Variants in EBF2 observed in about 807,000 individuals in gnomAD.
EBF2 encodes transcription factor COE2.
In EBF2, 21 loss-of-function variants were observed where a neutral mutation model predicts 72.8. That is an observed-to-expected ratio of 0.29 (90% CI 0.20 to 0.42). EBF2 has a LOEUF of 0.42. Among genes scored for constraint, EBF2 ranks in the 10% least tolerant of loss-of-function variants. EBF2 has a pLI of 1.00. For missense variants in EBF2, 637 were observed against 731.2 expected, an observed-to-expected ratio of 0.87 and a Z score of 1.49; for synonymous variants, 299 against 274.2, an observed-to-expected ratio of 1.09 and a Z score of -0.89.
chr8:26,027,252 GA>G (rs1206412854), intron 6 of EBF2, among the ~76,000 whole-genome samples: 3 of 152,124 alleles, frequency 2.0e-5, no homozygotes, highest in African/African-American at 7.2e-5. Context: ...TGAGAGACAG[GA>G]AGAACAAGTA....
intron 6 of EBF2, among the ~76,000 whole-genome samples, chr8:26,017,154 TAA>T (rs760786092): frequency 2.9e-4 from 41 of 139,304 alleles, no homozygotes; most frequent in Admixed American, 4.3e-4. Context: ...TCCCCTTATT[TAA>T]AAAAAAAAAA....
At chr8:25,922,681 C>T (rs1172868727) in intron 6 of EBF2, among the ~76,000 whole-genome samples, 1 of 152,236 alleles carries the variant, frequency 6.6e-6, no homozygotes, top group Non-Finnish European at 1.5e-5. Flanking sequence ...TTCAGTGTCA[C>T]TGGCTCTGTC....
At chr8:25,972,380 G>A (rs938450065) in intron 6 of EBF2, among the ~76,000 whole-genome samples, 3 of 152,136 alleles carry the variant, frequency 2.0e-5, no homozygotes, top group Admixed American at 6.5e-5. Context: ...CCTTCCTTTG[G>A]GGGTGGCTTT....
chr8:25,844,790 A>G (rs1801799208), intron 15 of EBF2, 150 bp from the exon 16 acceptor site: 1 of 987,790 alleles, frequency 1.0e-6, no homozygotes. Flanking sequence ...CCTGTTCTCC[A>G]GGTTTGGTCT....
intron 10 of EBF2, among the ~76,000 whole-genome samples, chr8:25,883,644 C>T (rs552988796): frequency 2.6e-5 from 4 of 152,088 alleles, no homozygotes; most frequent in East Asian, 1.9e-4. Flanking sequence ...TGCACACACA[C>T]GTACACAACA....
chr8:25,946,923 CG>C (rs1275969775), intron 6 of EBF2, among the ~76,000 whole-genome samples: 2 of 151,704 alleles, frequency 1.3e-5, no homozygotes, highest in African/African-American at 4.9e-5. Context: ...CACAGAGTTA[CG>C]TTTTTTTGTG....
chr8:26,030,594 G>A (rs10086575), intron 6 of EBF2, among the ~76,000 whole-genome samples: 48,580 of 151,642 alleles, frequency 0.32, 8,444 homozygotes, highest in African/African-American at 0.45. Flanking sequence ...CCTACAATAA[G>A]CAAGCCAAAC....
intron 6 of EBF2, among the ~76,000 whole-genome samples, chr8:25,999,932 C>T (rs77773312): frequency 5.1e-4 from 78 of 152,268 alleles, no homozygotes; most frequent in African/African-American, 1.8e-3. Context: ...TGTATCTAGC[C>T]CCAGTCCATG....
chr8:26,037,795 C>T (rs1389301188), intron 5 of EBF2, among the ~76,000 whole-genome samples: 4 of 152,042 alleles, frequency 2.6e-5, no homozygotes, highest in African/African-American at 9.7e-5. Flanking sequence ...AAGAGAGGAA[C>T]AGAGACCATT....
chr8:25,851,133 T>C (rs1801960708), intron 14 of EBF2, among the ~76,000 whole-genome samples: 1 of 151,328 alleles, frequency 6.6e-6, no homozygotes, highest in Non-Finnish European at 1.5e-5. Flanking sequence ...TGAAAAATCA[T>C]CAAATCTACC....
intron 6 of EBF2, among the ~76,000 whole-genome samples, chr8:25,951,418 G>A (rs1292469276): frequency 6.6e-6 from 1 of 152,066 alleles, no homozygotes; most frequent in African/African-American, 2.4e-5. Context: ...AATGCTAGTT[G>A]GCCCACCCAA....
At chr8:25,962,961 C>T (rs1300149927) in intron 6 of EBF2, among the ~76,000 whole-genome samples, 1 of 152,216 alleles carries the variant, frequency 6.6e-6, no homozygotes, top group Non-Finnish European at 1.5e-5. Flanking sequence ...ACAGGAATCA[C>T]AACCACTAAC....
chr8:26,015,347 A>G (rs536698274), intron 6 of EBF2, among the ~76,000 whole-genome samples: 1 of 152,356 alleles, frequency 6.6e-6, no homozygotes, highest in South Asian at 2.1e-4. Context: ...TCAAGAATGC[A>G]TAAATCCTCC....
intron 6 of EBF2, among the ~76,000 whole-genome samples, chr8:25,934,508 T>C (rs1040032692): frequency 6.6e-6 from 1 of 152,040 alleles, no homozygotes; most frequent in South Asian, 2.1e-4. Context: ...GGGAAGAGAG[T>C]TGGAAGCACA....
At position 25,933,815 on chromosome 8, in the gene EBF2, T is replaced by A. The variant is rs185930453; in HGVS notation, c.552-25260A>T. On this transcript the variant is annotated intron_variant, in intron 6 of 15. Coordinates refer to ENST00000520164, the MANE Select transcript of EBF2 (RefSeq NM_022659.4). ...AAATACGAAACAGTAAACATAAGAT[T>A]ATCACATTTTTGTTTAAATACAGAG... 5.1e-3 allele frequency among the ~76,000 whole-genome samples: 783 copies of A among 152,242 alleles called. 2 individuals are homozygous for A. Among genetic ancestry groups the A allele is most frequent in the Non-Finnish European group, 7.8e-3 (529 of 68,014 alleles).
intron 6 of EBF2, among the ~76,000 whole-genome samples, chr8:25,989,773 G>C (rs979948703): frequency 4.6e-5 from 7 of 152,182 alleles, no homozygotes; most frequent in African/African-American, 1.7e-4. Context: ...AAGTGGATTT[G>C]GCTTTCTGGA....
intron 6 of EBF2, among the ~76,000 whole-genome samples, chr8:25,946,232 G>GA (rs1803766554): frequency 6.6e-6 from 1 of 152,230 alleles, no homozygotes; most frequent in African/African-American, 2.4e-5. Flanking sequence ...AAATCACTTT[G>GA]GGAGTGGGGC....
chr8:26,042,291 A>G (rs1183194460), intron 1 of EBF2, 40 bp from the exon 2 acceptor site: 1 of 1,582,180 alleles, frequency 6.3e-7, no homozygotes. Context: ...AGACACGGGG[A>G]AGCACAAAAA....
chr8:25,883,472 G>A (rs1361476478), intron 10 of EBF2, among the ~76,000 whole-genome samples: 1 of 151,098 alleles, frequency 6.6e-6, no homozygotes, highest in East Asian at 1.9e-4. Flanking sequence ...GCTGATAGAG[G>A]TGTACTGATA....
Sources: allele counts gnomAD v4.1 joint callset (sites outside exome capture counted in the v4.1 genomes callset), GRCh38; gene constraint gnomAD v4.1.1; transcripts MANE v1.5; gene names NCBI Gene and HGNC (gene_info 2026-07-23, HGNC 2026-07-21).